Variants in DCC observed in about 807,000 individuals in gnomAD.
DCC encodes DCC netrin 1 receptor, also known as netrin receptor DCC.
A neutral mutation model predicts 172.5 loss-of-function variants in DCC; 58 were observed. That is an observed-to-expected ratio of 0.34 (90% CI 0.27 to 0.42). The LOEUF (loss-of-function observed/expected upper bound fraction) is 0.42, where lower values mean the gene tolerates loss of function less well. Among genes scored for constraint, DCC ranks in the 10% least tolerant of loss-of-function variants. The pLI, the probability that DCC is intolerant of heterozygous loss-of-function variation, is 1.00. For missense variants in DCC, 1,740 were observed against 1,791.0 expected (o/e 0.97, Z 0.51); for synonymous variants, 709 against 644.5 (o/e 1.10, Z -1.52).
intron 9 of DCC, among the ~76,000 whole-genome samples, chr18:53,194,114 A>G (rs909981055): frequency 1.3e-5 from 2 of 152,182 alleles, no homozygotes; most frequent in Non-Finnish European, 2.9e-5. Context: ...GCATAAGCTG[A>G]AGACACCTGC....
chr18:53,283,764 G>A (rs555334386), intron 12 of DCC, among the ~76,000 whole-genome samples: 3 of 152,254 alleles, frequency 2.0e-5, no homozygotes, highest in East Asian at 3.9e-4. Flanking sequence ...CAAAAACAAA[G>A]AACATGTGTC....
rs113576366 is a variant in DCC at position 52,567,206 on chromosome 18, A to C, written c.92-184848A>C. Among the ~76,000 whole-genome samples the C allele has an allele frequency of 6.4e-3, 982 of 152,312 alleles. 13 individuals are homozygous for C. The highest frequency in any genetic ancestry group is 0.023 in the African/African-American group (943 of 41,580). On this transcript the variant is annotated intron_variant, in intron 1 of 28. Coordinates refer to ENST00000442544, the MANE Select transcript of DCC (RefSeq NM_005215.4). ...TTATCCTTCCAAACTTTATAGGTAT[A>C]TACCTAGAAATATTTTAGAAACCAA...
intron 2 of DCC, among the ~76,000 whole-genome samples, chr18:52,871,104 T>C (rs1568159150): frequency 1.3e-5 from 2 of 152,172 alleles, no homozygotes; most frequent in Non-Finnish European, 2.9e-5. Context: ...GATGAACACC[T>C]GCAAGAGGTT....
intron 2 of DCC, among the ~76,000 whole-genome samples, chr18:52,805,078 A>G (rs1268915542): frequency 6.6e-6 from 1 of 152,148 alleles, no homozygotes; most frequent in Non-Finnish European, 1.5e-5. Context: ...TCATCTCTCA[A>G]TTAAGGGTAG....
At chr18:52,606,371 G>A (rs2034130824) in intron 1 of DCC, among the ~76,000 whole-genome samples, 1 of 151,854 alleles carries the variant, frequency 6.6e-6, no homozygotes, top group Non-Finnish European at 1.5e-5. Flanking sequence ...ATGTCAATAA[G>A]AATGACACAT....
chr18:52,857,361 A>G (rs1185112730), intron 2 of DCC, among the ~76,000 whole-genome samples: 1 of 152,224 alleles, frequency 6.6e-6, no homozygotes. Flanking sequence ...TTCTTGTTAA[A>G]TATCCAAAAG....
At chr18:53,157,008 T>C (rs974302121) in intron 7 of DCC, among the ~76,000 whole-genome samples, 13 of 152,204 alleles carry the variant, frequency 8.5e-5, no homozygotes, top group African/African-American at 2.7e-4. Context: ...CTAAGGTCTT[T>C]CTAGAACTCA....
At chr18:52,762,932 T>C (rs62081912) in intron 2 of DCC, among the ~76,000 whole-genome samples, 15,079 of 152,270 alleles carry the variant, frequency 0.099, 953 homozygotes, top group Middle Eastern at 0.22. Flanking sequence ...TTTACACTAT[T>C]TACATCCTAA....
intron 22 of DCC, among the ~76,000 whole-genome samples, chr18:53,440,777 T>C (rs1372359599): frequency 6.6e-6 from 1 of 151,056 alleles, no homozygotes; most frequent in Non-Finnish European, 1.5e-5. Context: ...CATCCACCCA[T>C]TATCTTTATC....
intron 5 of DCC, among the ~76,000 whole-genome samples, chr18:52,942,127 C>T (rs1028683743): frequency 3.3e-5 from 5 of 152,202 alleles, no homozygotes; most frequent in Admixed American, 1.3e-4. Flanking sequence ...AGGATTTTGC[C>T]ACTAATTATG....
intron 27 of DCC, among the ~76,000 whole-genome samples, chr18:53,521,177 G>A (rs1275287735): frequency 1.3e-5 from 2 of 152,126 alleles, no homozygotes; most frequent in East Asian, 3.9e-4. Context: ...TTTGAGCCGA[G>A]ACAATGTCTT....
chr18:53,089,616 CTTA>C, intron 7 of DCC, among the ~76,000 whole-genome samples: 2 of 151,734 alleles, frequency 1.3e-5, no homozygotes, highest in South Asian at 4.2e-4. Context: ...AAACAAAAAA[CTTA>C]AACCTTCTTT....
chr18:53,126,415 C>T (rs750839487), intron 7 of DCC, among the ~76,000 whole-genome samples: 2 of 152,038 alleles, frequency 1.3e-5, no homozygotes, highest in Non-Finnish European at 2.9e-5. Flanking sequence ...AAAGCACTTT[C>T]CTCTTATTTT....
chr18:52,748,323 C>G (rs973747177), intron 1 of DCC, among the ~76,000 whole-genome samples: 9 of 152,190 alleles, frequency 5.9e-5, no homozygotes, highest in Non-Finnish European at 1.0e-4. Context: ...CCACAGAGCC[C>G]CAAAAGGGTG....
intron 21 of DCC, among the ~76,000 whole-genome samples, chr18:53,425,455 G>A (rs746635965): frequency 1.4e-5 from 2 of 147,492 alleles, no homozygotes; most frequent in Non-Finnish European, 3.0e-5. Flanking sequence ...TGCCTCCTGG[G>A]TTCAAGCGAT....
intron 1 of DCC, among the ~76,000 whole-genome samples, chr18:52,594,027 A>C (rs2033857516): frequency 6.6e-6 from 1 of 152,224 alleles, no homozygotes; most frequent in African/African-American, 2.4e-5. Context: ...ATAAGAGGGC[A>C]AAATAGGGAG....
At chr18:53,292,023 A>G (rs960528729) in intron 12 of DCC, among the ~76,000 whole-genome samples, 4 of 151,900 alleles carry the variant, frequency 2.6e-5, no homozygotes, top group African/African-American at 9.7e-5. Flanking sequence ...AAAAAATGCT[A>G]TTTTAAATCC....
chr18:53,279,158 G>A (rs923264445), intron 12 of DCC, among the ~76,000 whole-genome samples: 1 of 152,104 alleles, frequency 6.6e-6, no homozygotes, highest in African/African-American at 2.4e-5. Flanking sequence ...TTCTCTGATG[G>A]CCAGTGATGA....
chr18:53,098,546 T>C (rs146865365), intron 7 of DCC, among the ~76,000 whole-genome samples: 2 of 152,324 alleles, frequency 1.3e-5, no homozygotes, highest in African/African-American at 4.8e-5. Flanking sequence ...ACCTAAGTTA[T>C]GCATTTTGAG....
Sources: gnomAD v4.1 joint callset for allele counts (sites outside exome capture counted in the v4.1 genomes callset) on GRCh38, gnomAD v4.1.1 for gene constraint, MANE v1.5 for transcripts, NCBI Gene and HGNC (gene_info 2026-07-23, HGNC 2026-07-21) for gene names.